SNTG1: variants seen among roughly 807,000 people sequenced by gnomAD.
SNTG1 encodes syntrophin gamma 1.
A neutral mutation model predicts 74.7 loss-of-function variants in SNTG1; 39 were observed. That is an observed-to-expected ratio of 0.52 (90% confidence interval 0.40 to 0.68). The LOEUF (loss-of-function observed/expected upper bound fraction) is 0.68, where lower values mean the gene tolerates loss of function less well. Ranked by LOEUF, SNTG1 falls within the 30% of genes least tolerant of loss-of-function variation. The pLI is 0.00. For synonymous variants in SNTG1, 254 were observed against 217.1 expected (o/e 1.17, Z -1.49); for missense variants, 685 against 609.5 (o/e 1.12, Z -1.30).
intron 2 of SNTG1, among the ~76,000 whole-genome samples, chr8:50,179,248 C>T (rs144895479): frequency 3.1e-4 from 47 of 152,272 alleles, no homozygotes; most frequent in African/African-American, 1.1e-3. Flanking sequence ...TATGATACCC[C>T]AAACTCTGTT....
At chr8:50,354,396 A>AT (rs1203202057) in intron 2 of SNTG1, among the ~76,000 whole-genome samples, 1 of 151,986 alleles carries the variant, frequency 6.6e-6, no homozygotes, top group East Asian at 1.9e-4. Flanking sequence ...TATGTAAAGT[A>AT]TTTTTTTCCA....
intron 17 of SNTG1, among the ~76,000 whole-genome samples, chr8:50,750,046 A>G (rs72645824): frequency 0.11 from 16,388 of 152,130 alleles, 1,053 homozygotes; most frequent in African/African-American, 0.17. Flanking sequence ...TCTAGAAAGG[A>G]TTCATAATTT....
At chr8:50,518,645 A>G (rs776177790) in intron 9 of SNTG1, among the ~76,000 whole-genome samples, 2 of 152,178 alleles carry the variant, frequency 1.3e-5, no homozygotes, top group Non-Finnish European at 2.9e-5. Context: ...CCACAGAAAT[A>G]TATTACTACT....
chr8:50,498,531 T>A (rs191571934), intron 8 of SNTG1, among the ~76,000 whole-genome samples: 2 of 152,014 alleles, frequency 1.3e-5, no homozygotes, highest in Admixed American at 6.6e-5. Context: ...TTACAAATAT[T>A]TTCTCAAAGT....
chr8:50,080,586 TTC>T (rs577312476), intron 1 of SNTG1, among the ~76,000 whole-genome samples: 64 of 152,286 alleles, frequency 4.2e-4, no homozygotes, highest in African/African-American at 1.4e-3. Flanking sequence ...CCATTTTAAT[TTC>T]TGTTTATTTT....
chr8:50,198,528 A>T (rs1444875291), intron 2 of SNTG1, among the ~76,000 whole-genome samples: 1 of 152,200 alleles, frequency 6.6e-6, no homozygotes, highest in Non-Finnish European at 1.5e-5. Context: ...GGGCTCTGCA[A>T]GCCCTGATGA....
At chr8:50,607,178 A>G (rs2094818848) in intron 13 of SNTG1, among the ~76,000 whole-genome samples, 1 of 151,854 alleles carries the variant, frequency 6.6e-6, no homozygotes, top group Non-Finnish European at 1.5e-5. Context: ...TAATTTTCAT[A>G]TATTTGGGAA....
chr8:50,357,817 G>GA (rs2091859872), intron 2 of SNTG1, among the ~76,000 whole-genome samples: 1 of 151,998 alleles, frequency 6.6e-6, no homozygotes, highest in Non-Finnish European at 1.5e-5. Context: ...AGCTTCATAA[G>GA]AAAAAAATAC....
chr8:50,442,248 C>T (rs2093364189), intron 5 of SNTG1, among the ~76,000 whole-genome samples: 1 of 152,162 alleles, frequency 6.6e-6, no homozygotes, highest in Non-Finnish European at 1.5e-5. Context: ...TACAGTTATT[C>T]TTTCATTGCT....
At chr8:50,152,766 A>G (rs1265354395) in intron 1 of SNTG1, among the ~76,000 whole-genome samples, 2 of 152,216 alleles carry the variant, frequency 1.3e-5, no homozygotes, top group African/African-American at 4.8e-5. Context: ...GTTTCTGCCG[A>G]GAGATCAGCT....
At chr8:50,089,564 AAAAC>A (rs2079633080) in intron 1 of SNTG1, among the ~76,000 whole-genome samples, 1 of 152,150 alleles carries the variant, frequency 6.6e-6, no homozygotes, top group South Asian at 2.1e-4. Context: ...TTACAAGAAA[AAAAC>A]AAACAACCCC....
At chr8:50,083,285 G>A (rs1822578522) in intron 1 of SNTG1, among the ~76,000 whole-genome samples, 1 of 152,016 alleles carries the variant, frequency 6.6e-6, no homozygotes, top group African/African-American at 2.4e-5. Context: ...GATTTTTGAG[G>A]GGAAGATTTG....
intron 4 of SNTG1, among the ~76,000 whole-genome samples, chr8:50,413,618 C>A (rs1393112020): frequency 2.6e-5 from 4 of 152,144 alleles, no homozygotes; most frequent in African/African-American, 9.7e-5. Flanking sequence ...TTATGTATTT[C>A]TTCAATTCTG....
At chr8:49,955,376 A>G (rs1319683452) in intron 1 of SNTG1, among the ~76,000 whole-genome samples, 1 of 152,192 alleles carries the variant, frequency 6.6e-6, no homozygotes, top group Non-Finnish European at 1.5e-5. Flanking sequence ...CTGTCTTCAT[A>G]AGGAGCTCAG....
chr8:50,581,816 C>A (rs1264400600), intron 12 of SNTG1, among the ~76,000 whole-genome samples: 1 of 152,156 alleles, frequency 6.6e-6, no homozygotes, highest in Admixed American at 6.5e-5. Context: ...CCTTACTCGG[C>A]AAGTGTTCTT....
At chr8:50,685,170 G>A (rs7017695) in intron 15 of SNTG1, among the ~76,000 whole-genome samples, 15,568 of 152,064 alleles carry the variant, frequency 0.1, 2,232 homozygotes, top group African/African-American at 0.32. Flanking sequence ...ACAAGAGCAT[G>A]GTTGTGGTCA....
At chr8:50,064,637 T>A (rs1439898157) in intron 1 of SNTG1, among the ~76,000 whole-genome samples, 1 of 152,166 alleles carries the variant, frequency 6.6e-6, no homozygotes, top group African/African-American at 2.4e-5. Context: ...TGCCTACACC[T>A]CCAACCTCAT....
chr8:50,338,092 C>T (rs1473194510), intron 2 of SNTG1, among the ~76,000 whole-genome samples: 1 of 29,322 alleles, frequency 3.4e-5, no homozygotes, highest in Non-Finnish European at 3.0e-3. Flanking sequence ...GCCGAGATTG[C>T]GCCTGCACTC....
chr8:50,207,486 A>C (rs950832287), intron 2 of SNTG1, among the ~76,000 whole-genome samples: 1 of 151,888 alleles, frequency 6.6e-6, no homozygotes, highest in African/African-American at 2.4e-5. Flanking sequence ...CTAGTGGTTT[A>C]TCGATGTTCT....
Sources: allele counts gnomAD v4.1 joint callset (sites outside exome capture counted in the v4.1 genomes callset), GRCh38; gene constraint gnomAD v4.1.1; transcripts MANE v1.5; gene names NCBI Gene and HGNC (gene_info 2026-07-23, HGNC 2026-07-21).